Variants in LINGO2 observed in about 807,000 individuals in gnomAD.
The protein encoded by LINGO2 is leucine-rich repeat and immunoglobulin-like domain-containing nogo receptor-interacting protein 2.
In LINGO2, 14 loss-of-function variants were observed where a neutral mutation model predicts 30.6. That is an observed-to-expected ratio of 0.46 (90% CI 0.30 to 0.72). The LOEUF (loss-of-function observed/expected upper bound fraction) is 0.72, where lower values mean the gene tolerates loss of function less well. Among genes scored for constraint, LINGO2 ranks in the 30% least tolerant of loss-of-function variants. The pLI is 0.07. For missense variants in LINGO2, 729 were observed against 751.7 expected (o/e 0.97, Z 0.35); for synonymous variants, 317 against 288.5 (o/e 1.10, Z -1.00).
rs533173916 is a variant in LINGO2, at chr9:28,524,038, C to T, written c.-364-48013G>A. 5.5e-4 allele frequency among the ~76,000 whole-genome samples: 84 copies of T among 151,870 alleles called. 2 individuals carry two copies. Among genetic ancestry groups the T allele is most frequent in the Non-Finnish European group, 1.1e-3 (74 of 67,948 alleles). ...GATTTTAAAACTTACTACAAAGCTACAGAAATTATAACAGTGTGGTACTAG... is the reference window on the plus strand; with the variant it reads ...GATTTTAAAACTTACTACAAAGCTATAGAAATTATAACAGTGTGGTACTAG... On this transcript the variant is annotated intron_variant, in intron 1 of 5. Coordinates refer to ENST00000379992, the Ensembl canonical transcript of LINGO2.
At chr9:28,617,208 G>T (rs928433600) in intron 1 of LINGO2, among the ~76,000 whole-genome samples, 1 of 151,984 alleles carries the variant, frequency 6.6e-6, no homozygotes, top group African/African-American at 2.4e-5. Flanking sequence ...TTAGTTTCAT[G>T]ATTATAGCAT....
chr9:29,176,752 T>C, the LINGO2 span, among the ~76,000 whole-genome samples: 1 of 152,208 alleles, frequency 6.6e-6, no homozygotes, highest in Non-Finnish European at 1.5e-5. Flanking sequence ...AAGGTAAAGA[T>C]GGTATAGAAA....
At chr9:28,761,361 C>T in the LINGO2 span, among the ~76,000 whole-genome samples, 1 of 151,614 alleles carries the variant, frequency 6.6e-6, no homozygotes, top group South Asian at 2.1e-4. Context: ...TATTGAGCAC[C>T]CATGGGGAAT....
At chr9:28,268,697 G>C (rs76057985) in intron 4 of LINGO2, among the ~76,000 whole-genome samples, 4,979 of 152,016 alleles carry the variant, frequency 0.033, 237 homozygotes, top group African/African-American at 0.11. Context: ...TTTACCAAAA[G>C]AATTAAAAGT....
At chr9:28,828,033 T>C in the LINGO2 span, among the ~76,000 whole-genome samples, 4 of 151,940 alleles carry the variant, frequency 2.6e-5, no homozygotes, top group African/African-American at 9.7e-5. Context: ...ATGGCTATCT[T>C]TGGGGAAGGG....
chr9:28,903,928 G>A, the LINGO2 span, among the ~76,000 whole-genome samples: 1 of 151,684 alleles, frequency 6.6e-6, no homozygotes, highest in Admixed American at 6.6e-5. Context: ...AAACTTAAGA[G>A]ATTCCAATGA....
At chr9:29,138,241 G>C in the LINGO2 span, among the ~76,000 whole-genome samples, 9 of 152,134 alleles carry the variant, frequency 5.9e-5, no homozygotes, top group Non-Finnish European at 7.4e-5. Context: ...CAGTCAATAT[G>C]ATAAATCTGC....
At chr9:28,111,497 A>G (rs1333843384) in intron 4 of LINGO2, among the ~76,000 whole-genome samples, 4 of 152,126 alleles carry the variant, frequency 2.6e-5, no homozygotes, top group African/African-American at 7.2e-5. Context: ...AGGCTCTAGG[A>G]AACTTTTAAC....
chr9:28,497,009 A>G (rs1819660447), intron 1 of LINGO2, among the ~76,000 whole-genome samples: 1 of 152,174 alleles, frequency 6.6e-6, no homozygotes, highest in Non-Finnish European at 1.5e-5. Context: ...TGGCTTGTAG[A>G]GTTTCTGCCA....
chr9:28,450,198 C>T (rs1038025538), intron 2 of LINGO2, among the ~76,000 whole-genome samples: 7 of 151,900 alleles, frequency 4.6e-5, no homozygotes, highest in Admixed American at 1.3e-4. Flanking sequence ...TCTGTGGACC[C>T]CCTGTAACAG....
At chr9:27,990,470 C>CCG (rs34477750) in intron 5 of LINGO2, among the ~76,000 whole-genome samples, 17,003 of 146,934 alleles carry the variant, frequency 0.12, 1,376 homozygotes, top group Non-Finnish European at 0.16. Context: ...ATACCCCCCC[C>CCG]CCTTTTATTT....
intron 1 of LINGO2, among the ~76,000 whole-genome samples, chr9:28,476,645 C>G (rs868075537): frequency 1.3e-5 from 2 of 151,828 alleles, no homozygotes; most frequent in South Asian, 4.1e-4. Flanking sequence ...ATTTGAAGAT[C>G]TGTGTACTTA....
chr9:28,075,120 T>C (rs564503209), intron 4 of LINGO2, among the ~76,000 whole-genome samples: 1 of 152,094 alleles, frequency 6.6e-6, no homozygotes, highest in Non-Finnish European at 1.5e-5. Context: ...TTTTTATCAT[T>C]CCCTGGAATT....
At chr9:28,249,984 A>T (rs995773254) in intron 4 of LINGO2, among the ~76,000 whole-genome samples, 1 of 152,166 alleles carries the variant, frequency 6.6e-6, no homozygotes, top group African/African-American at 2.4e-5. Flanking sequence ...GGGTACCACA[A>T]TTATTATCCT....
intron 1 of LINGO2, among the ~76,000 whole-genome samples, chr9:28,569,326 T>C (rs1273873584): frequency 6.6e-6 from 1 of 151,928 alleles, no homozygotes; most frequent in African/African-American, 2.4e-5. Flanking sequence ...CTTGAAGAGA[T>C]AGTTGTACTC....
At chr9:28,565,487 G>T in intron 1 of LINGO2, among the ~76,000 whole-genome samples, 1 of 149,226 alleles carries the variant, frequency 6.7e-6, no homozygotes, top group South Asian at 2.2e-4. Context: ...GCCTGATAAG[G>T]AAAAATTATT....
chr9:28,581,922 T>C (rs1165577222), intron 1 of LINGO2, among the ~76,000 whole-genome samples: 1 of 152,010 alleles, frequency 6.6e-6, no homozygotes, highest in Non-Finnish European at 1.5e-5. Context: ...TTTTTATTAA[T>C]GTTAGTCTAA....
At chr9:28,087,477 T>A (rs1306356571) in intron 4 of LINGO2, among the ~76,000 whole-genome samples, 1 of 152,098 alleles carries the variant, frequency 6.6e-6, no homozygotes, top group African/African-American at 2.4e-5. Flanking sequence ...AATATATTCA[T>A]GAGAAAATTA....
At chr9:29,070,475 G>A in the LINGO2 span, among the ~76,000 whole-genome samples, 1 of 152,064 alleles carries the variant, frequency 6.6e-6, no homozygotes, top group African/African-American at 2.4e-5. Flanking sequence ...CAAAGAAGAG[G>A]AGAGGAAAGA....
Sources: gnomAD v4.1 joint callset for allele counts (sites outside exome capture counted in the v4.1 genomes callset) on GRCh38, gnomAD v4.1.1 for gene constraint, MANE v1.5 for transcripts, NCBI Gene and HGNC (gene_info 2026-07-23, HGNC 2026-07-21) for gene names.